MDFIC: variants seen among roughly 807,000 people sequenced by gnomAD.
MDFIC encodes myoD family inhibitor domain-containing protein.
Under a neutral mutation model 23.2 loss-of-function variants are expected in MDFIC, and 17 were observed. The observed-to-expected ratio is 0.73, with a 90% CI of 0.50 to 1.10. The LOEUF (loss-of-function observed/expected upper bound fraction) is 1.10, where lower values mean the gene tolerates loss of function less well. MDFIC is among the 50% of genes least tolerant of loss of function. The pLI, the probability that MDFIC is intolerant of heterozygous loss-of-function variation, is 0.00. For missense variants in MDFIC, 356 were observed against 316.6 expected, an observed-to-expected ratio of 1.12 and a Z score of -0.95; for synonymous variants, 120 against 115.2, an observed-to-expected ratio of 1.04 and a Z score of -0.27.
At chr7:114,954,374 T>G (rs977630013) in intron 3 of MDFIC, among the ~76,000 whole-genome samples, 19 of 152,246 alleles carry the variant, frequency 1.2e-4, no homozygotes, top group Admixed American at 1.2e-3. Context: ...TCTCCCTAAA[T>G]TCCATAATCT....
chr7:115,014,347 T>C (rs1791748277), intron 4 of MDFIC: 8 of 1,267,490 alleles, frequency 6.3e-6, no homozygotes, highest in Non-Finnish European at 8.2e-6. Flanking sequence ...AGGGATTCTG[T>C]CAATTCACAT....
Position 114,953,562 on chromosome 7 carries a change from T to A in MDFIC, c.217+11165T>A, listed in dbSNP as rs1460701439. Among the ~76,000 whole-genome samples, 3 of 152,234 alleles carry A rather than the reference T, an allele frequency of 2.0e-5. No homozygotes were observed. The East Asian group carries it at 5.8e-4, about 29-fold the overall frequency. On this transcript the variant is annotated intron_variant, in intron 3 of 4. Transcript: ENST00000393486. ...TCACAGAAAATCAAATAGCAGTACCTGAAATTAGTCAATCAGTCATTGTGT... is the reference window on the plus strand; with the variant it reads ...TCACAGAAAATCAAATAGCAGTACCAGAAATTAGTCAATCAGTCATTGTGT...
chr7:115,017,663 T>C lies in MDFIC; in HGVS notation c.*1728T>C, dbSNP rs1295456477. 1.3e-5 allele frequency: 2 copies of C among 152,388 alleles called. No homozygotes were observed. The highest frequency in any genetic ancestry group is 2.1e-4 in the South Asian group (1 of 4,824). The allele number at this position is 152,388 out of a possible 1,614,324, so 9.4% of individuals were successfully genotyped here. ...ATTGTATAGTTATTGAGACCTATAG[T>C]GTGTGGCTTAGATGAAAGGGAGAGT... is the stretch of plus-strand genomic sequence containing the variant. On this transcript the variant is annotated 3_prime_UTR_variant, in exon 5 of 5. Coordinates refer to ENST00000393486, the MANE Select transcript of MDFIC (RefSeq NM_001166345.3).
Position 114,936,448 on chromosome 7 carries a change from T to C in MDFIC, c.95-5827T>C, listed in dbSNP as rs543810574. On this transcript the variant is annotated intron_variant, in intron 2 of 4. Transcript: ENST00000393486. ...TTGTAAATTATTGGAAAAATATCCC[T>C]CTTCAATAGTTTGAACAGTTGTCTT... 1.2e-4 allele frequency among the ~76,000 whole-genome samples: 19 copies of C among 152,258 alleles called. 1 individual carries two copies. The South Asian group carries it at 3.7e-3, about 30-fold the overall frequency.
At chr7:114,974,932 T>A (rs1012829075) in intron 3 of MDFIC, among the ~76,000 whole-genome samples, 6 of 152,002 alleles carry the variant, frequency 3.9e-5, no homozygotes, top group Admixed American at 2.6e-4. Context: ...TTTTTTTTTT[T>A]AATCTTTACA....
At chr7:114,988,038 C>T (rs1414772443) in intron 4 of MDFIC, among the ~76,000 whole-genome samples, 1 of 152,162 alleles carries the variant, frequency 6.6e-6, no homozygotes, top group Admixed American at 6.6e-5. Context: ...CCTCAAGCCT[C>T]AGAGCTCTTC....
chr7:115,013,652 A>G (rs930991274), intron 4 of MDFIC, among the ~76,000 whole-genome samples: 2 of 152,238 alleles, frequency 1.3e-5, no homozygotes, highest in Non-Finnish European at 2.9e-5. Context: ...CCAGTTAAAC[A>G]CTATCTTCTA....
At chr7:114,984,523 A>C (rs1017666901) in intron 4 of MDFIC, among the ~76,000 whole-genome samples, 1 of 152,228 alleles carries the variant, frequency 6.6e-6, no homozygotes, top group East Asian at 1.9e-4. Flanking sequence ...GGAAAAAAAA[A>C]CCATGTGGCA....
At chr7:114,977,963 T>A (rs1234997939) in intron 3 of MDFIC, among the ~76,000 whole-genome samples, 1 of 147,982 alleles carries the variant, frequency 6.8e-6, no homozygotes, top group Non-Finnish European at 1.5e-5. Flanking sequence ...ATAATCAACA[T>A]AATTATATTA....
rs199880863 is a variant in MDFIC at position 114,979,729 on chromosome 7, G to C, written c.441G>C (p.Lys147Asn). The change falls in exon 4 of 5, where the codon AAG becomes AAC. Residue 147 changes from lysine to asparagine, a missense_variant. Lys to Asn is a moderately conservative substitution (Grantham distance 94). Coordinates refer to ENST00000393486, the MANE Select transcript of MDFIC (RefSeq NM_001166345.3). ...SSLSVNSDIS[K>N]KSKVNAVFSQ... ...TGTCTGTAAACAGCGATATCAGTAA[G>C]AAGAGCAAAGTAAATGCTGTCTTTT... 133 of 1,614,134 alleles carry C rather than the reference G, an allele frequency of 8.2e-5. No homozygotes were observed. In the South Asian group the frequency reaches 1.4e-3, roughly 17 times the overall value.
rs768391278 is a variant in MDFIC, at chr7:114,979,622, G to C, written c.334G>C (p.Gly112Arg). 7 of 1,613,950 alleles carry C rather than the reference G, an allele frequency of 4.3e-6. No homozygotes were observed. The highest frequency in any genetic ancestry group is 5.9e-6 in the Non-Finnish European group (7 of 1,179,974). ...GLSNGNGIHHGAKHGSADNRK... is the reference protein window; with the variant it reads ...GLSNGNGIHHRAKHGSADNRK... ...GAGCAATGGAAATGGAATTCACCAC[G>C]GGGCCAAACACGGATCCGCAGATAA... The change falls in exon 4 of 5, where the codon GGG becomes CGG. Residue 112 changes from glycine (G) to arginine (R), a missense_variant. Physicochemically the swap from Gly to Arg is moderately radical, Grantham distance 125. Coordinates refer to ENST00000393486, the MANE Select transcript of MDFIC (RefSeq NM_001166345.3).
intron 2 of MDFIC, among the ~76,000 whole-genome samples, chr7:114,936,126 T>TTCCCA (rs1792419363): frequency 6.6e-6 from 1 of 152,154 alleles, no homozygotes; most frequent in Non-Finnish European, 1.5e-5. Context: ...TTGCCCAGGA[T>TTCCCA]CCACATCATT....
intron 4 of MDFIC, among the ~76,000 whole-genome samples, chr7:114,988,057 T>C (rs1172562424): frequency 6.6e-6 from 1 of 152,238 alleles, no homozygotes; most frequent in African/African-American, 2.4e-5. Flanking sequence ...TCTTTTGTAA[T>C]AACCAATAAT....
In MDFIC at chr7:114,922,095, T is replaced by G; in HGVS notation, c.-649T>G. 1 of 271,522 alleles carries G rather than the reference T, an allele frequency of 3.7e-6. No individual in the cohort carries two copies. The highest frequency in any genetic ancestry group is 6.9e-6 in the Non-Finnish European group (1 of 145,598). The allele number at this position is 271,522 out of a possible 1,614,324, so 16.8% of individuals were successfully genotyped here. ...GTCTGGGCAGCCAGGGACCTGCCCA[T>G]TCACTCCCCTTTCCCAGCCCCGGGA... On this transcript the variant is annotated 5_prime_UTR_variant, in exon 1 of 5. Coordinates refer to ENST00000393486, the MANE Select transcript of MDFIC (RefSeq NM_001166345.3).
intron 4 of MDFIC, among the ~76,000 whole-genome samples, chr7:114,980,328 A>C (rs1168710922): frequency 6.6e-6 from 1 of 151,714 alleles, no homozygotes; most frequent in Non-Finnish European, 1.5e-5. Context: ...AACCATCTCC[A>C]CTCCCATCCC....
intron 3 of MDFIC, among the ~76,000 whole-genome samples, chr7:114,966,625 T>A (rs962923082): frequency 7.2e-5 from 11 of 152,018 alleles, no homozygotes; most frequent in Admixed American, 2.6e-4. Context: ...AAAGAACAGG[T>A]TGTTTGTGTC....
intron 4 of MDFIC, among the ~76,000 whole-genome samples, chr7:114,991,473 A>G (rs1791159572): frequency 1.3e-5 from 2 of 152,022 alleles, no homozygotes; most frequent in African/African-American, 4.8e-5. Context: ...TAGGGTTTTT[A>G]TGGTTTTAGG....
intron 3 of MDFIC, among the ~76,000 whole-genome samples, chr7:114,967,830 C>CTTTTTT (rs56343596): frequency 8.4e-6 from 1 of 118,826 alleles, no homozygotes; most frequent in Non-Finnish European, 1.8e-5. Flanking sequence ...TCTTTCTTTT[C>CTTTTTT]TTTTTTTTTT....
chr7:114,983,973 A>T (rs570414388), intron 4 of MDFIC, among the ~76,000 whole-genome samples: 48 of 152,278 alleles, frequency 3.2e-4, no homozygotes, highest in Admixed American at 2.6e-3. Flanking sequence ...ATTATAAATG[A>T]GGAAACCGAG....
Sources: allele counts gnomAD v4.1 joint callset (sites outside exome capture counted in the v4.1 genomes callset), GRCh38; gene constraint gnomAD v4.1.1; transcripts MANE v1.5; gene names NCBI Gene and HGNC (gene_info 2026-07-23, HGNC 2026-07-21).